Variants in FSTL4 observed in about 807,000 individuals in gnomAD.
FSTL4 encodes follistatin like 4.
FSTL4 carries 28 observed loss-of-function variants against 78.2 expected under a neutral mutation model. The ratio of observed to expected loss-of-function variants is 0.36; its 90% CI spans 0.27 to 0.49. The LOEUF is 0.49. Among genes scored for constraint, FSTL4 ranks in the 20% least tolerant of loss-of-function variants. The pLI is 0.98. For synonymous variants in FSTL4, 422 were observed against 440.5 expected, an observed-to-expected ratio of 0.96 and a Z score of 0.53; for missense variants, 922 against 1,084.9, an observed-to-expected ratio of 0.85 and a Z score of 2.11.
chr5:133,734,952 C>T, the FSTL4 span, among the ~76,000 whole-genome samples: 71 of 152,282 alleles, frequency 4.7e-4, no homozygotes, highest in Admixed American at 5.2e-4. Context: ...GAATGAACAG[C>T]GGGCTGTGCA....
intron 4 of FSTL4, among the ~76,000 whole-genome samples, chr5:133,334,467 A>T (rs921507159): frequency 6.6e-6 from 1 of 152,014 alleles, no homozygotes; most frequent in African/African-American, 2.4e-5. Flanking sequence ...GGTGGGTCAC[A>T]CTGGAATAGA....
At chr5:133,496,893 C>A (rs951836897) in intron 3 of FSTL4, among the ~76,000 whole-genome samples, 5 of 152,164 alleles carry the variant, frequency 3.3e-5, no homozygotes, top group African/African-American at 9.7e-5. Context: ...TCCAGTTGGA[C>A]TGCCCAAAGC....
intron 2 of FSTL4, among the ~76,000 whole-genome samples, chr5:133,594,420 T>G (rs1760699566): frequency 6.6e-6 from 1 of 152,262 alleles, no homozygotes; most frequent in Non-Finnish European, 1.5e-5. Flanking sequence ...CTCGGACTCC[T>G]GACCTCAGGT....
At chr5:133,312,800 AG>A in intron 5 of FSTL4, 23 bp from the exon 6 acceptor site, 1 of 1,613,548 alleles carries the variant, frequency 6.2e-7, no homozygotes, top group Non-Finnish European at 8.5e-7. Context: ...GAGGAGAACA[AG>A]GCCAGAATCA....
intron 3 of FSTL4, among the ~76,000 whole-genome samples, chr5:133,492,280 AACACT>A (rs1758281167): frequency 1.3e-5 from 2 of 152,176 alleles, no homozygotes; most frequent in African/African-American, 4.8e-5. Flanking sequence ...TTCTTCAGTC[AACACT>A]TACTTATAAT....
intron 4 of FSTL4, among the ~76,000 whole-genome samples, chr5:133,391,612 G>A (rs770446991): frequency 2.4e-4 from 37 of 152,178 alleles, no homozygotes; most frequent in Admixed American, 9.8e-4. Flanking sequence ...TCAGCCCTCC[G>A]ACTTGCTCAG....
chr5:133,223,719 A>G (rs1471361705), intron 11 of FSTL4, among the ~76,000 whole-genome samples: 2 of 152,260 alleles, frequency 1.3e-5, no homozygotes, highest in Non-Finnish European at 2.9e-5. Context: ...GTTTCTAAAC[A>G]TCTATACATT....
the FSTL4 span, among the ~76,000 whole-genome samples, chr5:133,756,975 C>T: frequency 2.0e-5 from 3 of 152,154 alleles, no homozygotes; most frequent in East Asian, 5.8e-4. Context: ...TGTGAAGCCC[C>T]TCTCAAGTGG....
At chr5:133,518,219 T>C (rs1375048680) in intron 3 of FSTL4, among the ~76,000 whole-genome samples, 1 of 152,082 alleles carries the variant, frequency 6.6e-6, no homozygotes, top group Non-Finnish European at 1.5e-5. Context: ...AAACGACAAA[T>C]TGGGAAAATA....
At chr5:133,794,859 C>T in the FSTL4 span, among the ~76,000 whole-genome samples, 1 of 152,146 alleles carries the variant, frequency 6.6e-6, no homozygotes, top group Non-Finnish European at 1.5e-5. Flanking sequence ...GATCCATCAC[C>T]AGCCACCCTT....
the FSTL4 span, among the ~76,000 whole-genome samples, chr5:133,771,677 A>G: frequency 0.65 from 99,341 of 151,862 alleles, 32,759 homozygotes; most frequent in African/African-American, 0.69. Context: ...CATATCATCA[A>G]TGAACAGGGA....
intron 5 of FSTL4, 91 bp from the exon 6 acceptor site, chr5:133,312,868 G>A (rs1581611299): frequency 1.6e-6 from 2 of 1,273,948 alleles, no homozygotes; most frequent in East Asian, 4.8e-5. Context: ...AGGGAATCCA[G>A]GGACAGCTCA....
intron 3 of FSTL4, among the ~76,000 whole-genome samples, chr5:133,507,299 C>T (rs939501732): frequency 6.6e-6 from 1 of 152,136 alleles, no homozygotes; most frequent in Admixed American, 6.5e-5. Flanking sequence ...AACAATGCAG[C>T]ATGCTGTACC....
At chr5:133,826,305 C>G in the FSTL4 span, among the ~76,000 whole-genome samples, 1 of 152,194 alleles carries the variant, frequency 6.6e-6, no homozygotes, top group African/African-American at 2.4e-5. Flanking sequence ...AAAATCCCAG[C>G]CTTTGACTTG....
intron 3 of FSTL4, among the ~76,000 whole-genome samples, chr5:133,558,716 G>C (rs996820556): frequency 6.6e-6 from 1 of 151,882 alleles, no homozygotes; most frequent in African/African-American, 2.4e-5. Context: ...ACCCAAATAA[G>C]AGCATGTAGA....
chr5:133,595,947 C>T (rs919254786), intron 2 of FSTL4, among the ~76,000 whole-genome samples: 4 of 152,144 alleles, frequency 2.6e-5, no homozygotes, highest in East Asian at 1.9e-4. Context: ...ATGCCTTAGG[C>T]GGCAGCACAG....
At chr5:133,796,093 C>T in the FSTL4 span, among the ~76,000 whole-genome samples, 1 of 152,238 alleles carries the variant, frequency 6.6e-6, no homozygotes, top group Admixed American at 6.5e-5. Context: ...CCTTATACAG[C>T]TGTCCCTCAG....
At chr5:133,552,545 T>C (rs1759707456) in intron 3 of FSTL4, among the ~76,000 whole-genome samples, 1 of 152,184 alleles carries the variant, frequency 6.6e-6, no homozygotes, top group Non-Finnish European at 1.5e-5. Flanking sequence ...ATGCCCTTAT[T>C]TTCAAACGAT....
chr5:133,217,500 C>G (rs1453401305), intron 12 of FSTL4, 122 bp from the exon 13 acceptor site: 1 of 902,968 alleles, frequency 1.1e-6, no homozygotes, highest in Non-Finnish European at 1.7e-6. Flanking sequence ...TCCTTTGGAT[C>G]CATAGAACAG....
Sources: allele counts gnomAD v4.1 joint callset (sites outside exome capture counted in the v4.1 genomes callset), GRCh38; gene constraint gnomAD v4.1.1; transcripts MANE v1.5; gene names NCBI Gene and HGNC (gene_info 2026-07-23, HGNC 2026-07-21).